Variants in SLC13A4 observed in about 807,000 individuals in gnomAD.
SLC13A4 encodes Na(+)/sulfate cotransporter SUT-1.
A neutral mutation model predicts 72.7 loss-of-function variants in SLC13A4; 28 were observed. The observed-to-expected ratio is 0.39, with a 90% confidence interval of 0.29 to 0.53. The LOEUF (loss-of-function observed/expected upper bound fraction) is 0.53. Ranked by LOEUF, SLC13A4 falls within the 20% of genes least tolerant of loss-of-function variation. The pLI is 0.78. For synonymous variants in SLC13A4, 312 were observed against 325.5 expected, an observed-to-expected ratio of 0.96 and a Z score of 0.45; for missense variants, 653 against 788.0, an observed-to-expected ratio of 0.83 and a Z score of 2.05.
At position 135,706,134 on chromosome 7, in the gene SLC13A4, G is replaced by T. The variant is rs764684049; in HGVS notation, c.532C>A (p.Pro178Thr). ...GAACTCCAGCAAACTGTACTGATGG[G>T]TTCGGCCTCTTCGGTGTTGGAGTTG... ...AGNSNTEEAEPISLDVKNSQP... is the reference protein window; with the variant it reads ...AGNSNTEEAETISLDVKNSQP... The change falls in exon 4 of 16, where the codon CCC becomes ACC. Residue 178 changes from proline to threonine, a missense_variant. By Grantham distance (38) the Pro-to-Thr change is conservative. Coordinates refer to ENST00000682651, the MANE Select transcript of SLC13A4 (RefSeq NM_001318192.2). The T allele has an allele frequency of 3.7e-6, 6 of 1,600,006 alleles. No homozygotes were observed. The South Asian group carries it at 4.5e-5, about 12-fold the overall frequency.
intron 15 of SLC13A4, 67 bp downstream of exon 15, chr7:135,684,057 G>C (rs148627522): frequency 0.01 from 15,032 of 1,478,756 alleles, 102 homozygotes; most frequent in Non-Finnish European, 0.012. Context: ...TTGAAAGAAG[G>C]CTGCAGAGCT....
At chr7:135,692,118 A>G (rs911373201) in intron 11 of SLC13A4, 34 of 585,566 alleles carry the variant, frequency 5.8e-5, no homozygotes, top group Non-Finnish European at 9.6e-5. Context: ...ATGAGACTAC[A>G]TGCAGCACTG....
intron 10 of SLC13A4, chr7:135,693,191 G>A (rs1795830587): frequency 6.7e-6 from 1 of 150,294 alleles, no homozygotes; most frequent in African/African-American, 2.4e-5. Flanking sequence ...ATTAAAAAAT[G>A]GAAGCATCCT....
rs1384077466 is a variant in SLC13A4, at chr7:135,681,678, T to C, written c.1769A>G (p.Asn590Ser). ...CATTACTATCACCAGTCCAATAACG[T>C]TGACTCCCAGGCCAGCTTTCACCTG... ...KDMVKAGLGV[N>S]VIGLVIVMVA... Residue 590 changes from asparagine to serine, a missense_variant, in exon 16 of 16, where the codon AAC (asparagine) becomes AGC (serine). Coordinates refer to ENST00000682651, the MANE Select transcript of SLC13A4 (RefSeq NM_001318192.2). 2 of 1,613,838 alleles carry C rather than the reference T, an allele frequency of 1.2e-6. No individual in the cohort carries two copies. Among genetic ancestry groups the C allele is most frequent in the Non-Finnish European group, 1.7e-6 (2 of 1,179,842 alleles).
chr7:135,712,829 A>G (rs1174147766), intron 2 of SLC13A4, among the ~76,000 whole-genome samples: 1 of 152,150 alleles, frequency 6.6e-6, no homozygotes, highest in Non-Finnish European at 1.5e-5. Context: ...ATTCTCGAGG[A>G]TGATTGTTAT....
chr7:135,706,582 C>G (rs1196372519), intron 3 of SLC13A4, among the ~76,000 whole-genome samples: 2 of 152,346 alleles, frequency 1.3e-5, no homozygotes, highest in South Asian at 2.1e-4. Flanking sequence ...GGTAGTAGGG[C>G]CACAGGGTGT....
At chr7:135,712,630 G>T (rs1294973834) in intron 2 of SLC13A4, among the ~76,000 whole-genome samples, 1 of 152,184 alleles carries the variant, frequency 6.6e-6, no homozygotes, top group Non-Finnish European at 1.5e-5. Context: ...GGCTGAGCTG[G>T]TTTGAGGCCA....
At chr7:135,705,752 G>T in intron 4 of SLC13A4, 102 bp from the exon 5 acceptor site, 1 of 944,096 alleles carries the variant, frequency 1.1e-6, no homozygotes, top group African/African-American at 1.6e-5. Flanking sequence ...TGGGCCATAT[G>T]GAGTGGGTGA....
chr7:135,718,736 G>A (rs1005251811), intron 2 of SLC13A4, among the ~76,000 whole-genome samples: 2 of 152,176 alleles, frequency 1.3e-5, no homozygotes, highest in Non-Finnish European at 2.9e-5. Flanking sequence ...GTCGCAGTAA[G>A]AGGATGGTCA....
At chr7:135,715,380 A>AGT (rs58738715) in intron 2 of SLC13A4, among the ~76,000 whole-genome samples, 106,903 of 148,780 alleles carry the variant, frequency 0.72, 38,776 homozygotes, top group African/African-American at 0.86. Flanking sequence ...TGAGTGTGTG[A>AGT]GTGTGTATGT....
intron 13 of SLC13A4, among the ~76,000 whole-genome samples, chr7:135,687,812 AT>A (rs145163825): frequency 1.3e-5 from 2 of 150,928 alleles, no homozygotes; most frequent in Admixed American, 6.6e-5. Flanking sequence ...AAGTGAAATA[AT>A]TTTTTTTTTC....
rs540121222 is a variant in SLC13A4, at chr7:135,686,861, A to C, written c.1447-1178T>G. On this transcript the variant is annotated intron_variant, in intron 13 of 15. Transcript: ENST00000682651. ...CACTTGAAGTCAGGAGTTTGAGACC[A>C]GCCTGGCCAATGTGGTGAAAGCCCA... is the stretch of plus-strand genomic sequence containing the variant. 4.6e-5 allele frequency among the ~76,000 whole-genome samples: 7 copies of C among 152,328 alleles called. No homozygotes were observed. In the East Asian group the frequency reaches 1.4e-3, roughly 29 times the overall value.
intron 2 of SLC13A4, among the ~76,000 whole-genome samples, chr7:135,715,107 G>C (rs28399795): frequency 6.6e-6 from 1 of 151,580 alleles, no homozygotes; most frequent in Non-Finnish European, 1.5e-5. Context: ...GTGTGTGAGC[G>C]TGTATGAGTT....
chr7:135,726,410 C>T (rs924844960), intron 1 of SLC13A4, among the ~76,000 whole-genome samples: 19 of 152,158 alleles, frequency 1.2e-4, no homozygotes, highest in African/African-American at 4.3e-4. Flanking sequence ...AACTGTTTAA[C>T]TTAATCTTGG....
At chr7:135,696,910 C>T (rs1348177079) in intron 8 of SLC13A4, among the ~76,000 whole-genome samples, 1 of 152,206 alleles carries the variant, frequency 6.6e-6, no homozygotes, top group Non-Finnish European at 1.5e-5. Context: ...TACTTTCCTC[C>T]CTTGGGTAGA....
chr7:135,720,565 A>G (rs868675591), intron 2 of SLC13A4, among the ~76,000 whole-genome samples: 6,693 of 142,076 alleles, frequency 0.047, 211 homozygotes, highest in South Asian at 0.084. Flanking sequence ...AAAAAAAAAA[A>G]AAAAAAAAAC....
chr7:135,681,909 C>T (rs1015991384), intron 15 of SLC13A4, among the ~76,000 whole-genome samples: 3 of 152,166 alleles, frequency 2.0e-5, no homozygotes, highest in Non-Finnish European at 4.4e-5. Flanking sequence ...TTCATGCTTA[C>T]AGCACTCTCA....
At chr7:135,722,360 T>C (rs1021292826) in intron 1 of SLC13A4, among the ~76,000 whole-genome samples, 6 of 152,356 alleles carry the variant, frequency 3.9e-5, no homozygotes, top group Admixed American at 2.6e-4. Context: ...ATATGTGGCA[T>C]TGGTGTGTGC....
At chr7:135,687,941 G>C (rs1434197167) in intron 13 of SLC13A4, among the ~76,000 whole-genome samples, 1 of 151,804 alleles carries the variant, frequency 6.6e-6, no homozygotes, top group Admixed American at 6.6e-5. Context: ...CTCTTGGGTA[G>C]CTGGGATTAC....
Sources: gnomAD v4.1 joint callset for allele counts (sites outside exome capture counted in the v4.1 genomes callset) on GRCh38, gnomAD v4.1.1 for gene constraint, MANE v1.5 for transcripts, NCBI Gene and HGNC (gene_info 2026-07-23, HGNC 2026-07-21) for gene names.